Variants in ZNF831 observed in about 807,000 individuals in gnomAD.
ZNF831 encodes the protein zinc finger protein 831, also known as chromosome 20 open reading frame 174.
A neutral mutation model predicts 95.8 loss-of-function variants in ZNF831; 59 were observed. The ratio of observed to expected loss-of-function variants is 0.62; its 90% CI spans 0.50 to 0.77. The LOEUF (loss-of-function observed/expected upper bound fraction) is 0.77, where lower values mean the gene tolerates loss of function less well. Ranked by LOEUF, ZNF831 falls within the 30% of genes least tolerant of loss-of-function variation. The probability of loss-of-function intolerance (pLI) is 0.00; values close to 1 mark genes in which losing one functional copy is unlikely to be tolerated. For missense variants in ZNF831, 2,205 were observed against 2,164.0 expected (o/e 1.02, Z -0.38); for synonymous variants, 961 against 925.5 (o/e 1.04, Z -0.70).
chr20:59,140,918 A>G (rs1568722989), intron 1 of ZNF831, among the ~76,000 whole-genome samples: 1 of 151,920 alleles, frequency 6.6e-6, no homozygotes, highest in African/African-American at 2.4e-5. Flanking sequence ...TTATTTATTT[A>G]TTGTGGCATC....
intron 3 of ZNF831, among the ~76,000 whole-genome samples, chr20:59,199,077 AT>A (rs1168911587): frequency 1.4e-4 from 1 of 7,304 alleles, no homozygotes; most frequent in Non-Finnish European, 2.4e-4. Flanking sequence ...TTACATATCT[AT>A]CTATCTATCT....
At chr20:59,132,653 T>A (rs1286528093) in intron 1 of ZNF831, among the ~76,000 whole-genome samples, 1 of 152,178 alleles carries the variant, frequency 6.6e-6, no homozygotes, top group Non-Finnish European at 1.5e-5. Flanking sequence ...CTTTGCCTAT[T>A]TTTTTTTCAA....
At chr20:59,240,257 CT>C (rs1375103700) in intron 4 of ZNF831, among the ~76,000 whole-genome samples, 1 of 152,114 alleles carries the variant, frequency 6.6e-6, no homozygotes, top group Non-Finnish European at 1.5e-5. Context: ...TGTTTACACT[CT>C]TCTTCGGACA....
At chr20:59,202,933 T>C (rs1009123424) in intron 3 of ZNF831, among the ~76,000 whole-genome samples, 1 of 152,242 alleles carries the variant, frequency 6.6e-6, no homozygotes, top group Non-Finnish European at 1.5e-5. Context: ...CATTTTACGC[T>C]GCATTTTTAA....
At chr20:59,250,708 G>C (rs745309288) in intron 4 of ZNF831, among the ~76,000 whole-genome samples, 3 of 152,066 alleles carry the variant, frequency 2.0e-5, no homozygotes, top group Non-Finnish European at 4.4e-5. Flanking sequence ...GAGCTATGAA[G>C]TAAGAACAGG....
chr20:59,248,775 T>C (rs1412206546), intron 4 of ZNF831, among the ~76,000 whole-genome samples: 1 of 152,246 alleles, frequency 6.6e-6, no homozygotes, highest in Non-Finnish European at 1.5e-5. Flanking sequence ...TAATTTTTGA[T>C]AATTTTTCAT....
rs753533625 is a variant in ZNF831, at chr20:59,254,689, A to G, written c.4980A>G (p.Val1660=). The G allele has an allele frequency of 2.0e-5, 33 of 1,614,198 alleles. No individual in the cohort carries two copies. The African/African-American group carries it at 3.7e-4, about 18-fold the overall frequency. ...AAGGAATGAGAAAGCAAACTCGAGT[A>G]GAGTTCAGTGACACCAGCAGCGACG... ...SLEGMRKQTR[V]EFSDTSSDDE... is the part of the protein sequence containing the mutation. Residue 1660 remains valine, a synonymous_variant, in exon 6 of 6, where the codon GTA becomes GTG. Coordinates refer to ENST00000371030, the MANE Select transcript of ZNF831 (RefSeq NM_178457.3). The surrounding 1 kb of genome is among the most constrained non-coding windows in gnomAD (Gnocchi z 4.5).
chr20:59,240,661 G>A (rs2146723319), intron 4 of ZNF831, among the ~76,000 whole-genome samples: 1 of 151,932 alleles, frequency 6.6e-6, no homozygotes, highest in African/African-American at 2.4e-5. Flanking sequence ...AATTAGCCGG[G>A]CGTGGTGGCG....
Position 59,193,574 on chromosome 20 carries a change from C to CT in ZNF831, c.2558dup (p.Leu853PhefsTer75). On this transcript the variant is annotated frameshift_variant, in exon 2 of 6. Coordinates refer to ENST00000371030, the MANE Select transcript of ZNF831 (RefSeq NM_178457.3). LOFTEE classifies it high-confidence loss of function. Reference sequence around the variant, plus strand: ...CCAGGTGGGCCCACGCAGCCTGCCTCTTTGTCATCCCAGAAGCAGGATGCC... The same window carrying CT: ...CCAGGTGGGCCCACGCAGCCTGCCTCTTTTGTCATCCCAGAAGCAGGATGCC... 1.2e-6 allele frequency: 2 copies of CT among 1,609,296 alleles called. No individual in the cohort carries two copies. Among genetic ancestry groups the CT allele is most frequent in the Non-Finnish European group, 1.7e-6 (2 of 1,177,880 alleles).
chr20:59,213,931 A>T (rs1427321440), intron 4 of ZNF831, among the ~76,000 whole-genome samples: 1 of 152,152 alleles, frequency 6.6e-6, no homozygotes, highest in Non-Finnish European at 1.5e-5. Flanking sequence ...CCCACACTAC[A>T]GTGGGGCCAT....
At chr20:59,236,294 G>A (rs1374209122) in intron 4 of ZNF831, among the ~76,000 whole-genome samples, 1 of 152,092 alleles carries the variant, frequency 6.6e-6, no homozygotes, top group Non-Finnish European at 1.5e-5. Flanking sequence ...ATGCCCTTTT[G>A]TCCTCTTATA....
intron 3 of ZNF831, among the ~76,000 whole-genome samples, chr20:59,202,556 C>T (rs1326170536): frequency 6.6e-6 from 1 of 152,074 alleles, no homozygotes; most frequent in East Asian, 1.9e-4. Flanking sequence ...CCACTGGGTG[C>T]CTGGGGGTGC....
intron 3 of ZNF831, among the ~76,000 whole-genome samples, chr20:59,203,081 T>C (rs1984645454): frequency 6.6e-6 from 1 of 152,192 alleles, no homozygotes; most frequent in Non-Finnish European, 1.5e-5. Flanking sequence ...TTTGATGTAG[T>C]CAAATGGGGC....
Position 59,194,466 on chromosome 20 carries a change from G to A in ZNF831, c.3447G>A (p.Glu1149=), listed in dbSNP as rs2146599945. The change falls in exon 2 of 6, where the codon GAG becomes GAA. Residue 1149 remains glutamate, a synonymous_variant. Transcript: ENST00000371030. The part of the protein sequence containing the change: ...RPQGVPPGWP[E]LALSSHSGTS... ...AGGGTGTGCCCCCAGGCTGGCCAGA[G>A]CTGGCCTTGTCTTCCCACTCAGGGA... 6.2e-7 allele frequency: 1 copy of A among 1,613,128 alleles called. No homozygotes were observed.
At chr20:59,237,883 G>T (rs1465814674) in intron 4 of ZNF831, among the ~76,000 whole-genome samples, 3 of 152,160 alleles carry the variant, frequency 2.0e-5, no homozygotes, top group African/African-American at 7.2e-5. Flanking sequence ...AGCTCGGCCA[G>T]CCCCTGCCCT....
chr20:59,210,872 A>G (rs1467606563), intron 4 of ZNF831, among the ~76,000 whole-genome samples: 1 of 79,398 alleles, frequency 1.3e-5, no homozygotes, highest in Admixed American at 1.2e-4. Flanking sequence ...TCTCTACTAA[A>G]AATACAAAAA....
rs1443345757 is a variant in ZNF831, at chr20:59,191,647, G to A, written c.628G>A (p.Gly210Arg). Residue 210 changes from glycine (G) to arginine (R), a missense_variant, in exon 2 of 6, where the codon GGG becomes AGG. By Grantham distance (125) the Gly-to-Arg change is moderately radical (BLOSUM62 -2). Transcript: ENST00000371030. ...GCTGTCCTCAGAGTCCGAGGGCGCC[G>A]GGGGCGGCCTCCTGGAGGAAGGGGA... ...SRLSSESEGA[G>R]GGLLEEGDKA... 3 of 1,562,756 alleles carry A rather than the reference G, an allele frequency of 1.9e-6. No homozygotes were observed. Among genetic ancestry groups the A allele is most frequent in the African/African-American group, 1.4e-5 (1 of 73,594 alleles).
At chr20:59,221,626 T>C (rs1204788363) in intron 4 of ZNF831, among the ~76,000 whole-genome samples, 1 of 152,234 alleles carries the variant, frequency 6.6e-6, no homozygotes, top group Non-Finnish European at 1.5e-5. Context: ...TGGCCAGCCC[T>C]GTCCTAATTA....
intron 1 of ZNF831, among the ~76,000 whole-genome samples, chr20:59,167,686 G>A (rs781253289): frequency 4.6e-5 from 7 of 151,442 alleles, no homozygotes; most frequent in East Asian, 3.9e-4. Flanking sequence ...TTTTGCCTGC[G>A]GAAGTCAATT....
Sources: allele counts gnomAD v4.1 joint callset (sites outside exome capture counted in the v4.1 genomes callset), GRCh38; gene constraint gnomAD v4.1.1; non-coding constraint Gnocchi (gnomAD v3.1); transcripts MANE v1.5; gene names NCBI Gene and HGNC (gene_info 2026-07-23, HGNC 2026-07-21).